DIAPH3: variants seen among roughly 807,000 people sequenced by gnomAD.
DIAPH3 encodes the protein diaphanous related formin 3, also known as protein diaphanous homolog 3.
Under a neutral mutation model 144.3 loss-of-function variants are expected in DIAPH3, and 117 were observed. The observed-to-expected ratio is 0.81, with a 90% confidence interval of 0.70 to 0.95. The LOEUF is 0.95. Ranked by LOEUF, DIAPH3 falls within the 40% of genes least tolerant of loss-of-function variation. The probability of loss-of-function intolerance (pLI) is 0.00; values close to 1 mark genes in which losing one functional copy is unlikely to be tolerated. For synonymous variants in DIAPH3, 519 were observed against 488.9 expected (o/e 1.06, Z -0.81); for missense variants, 1,421 against 1,412.7 (o/e 1.01, Z -0.09).
chr13:59,737,367 C>T (rs1235986299), intron 27 of DIAPH3, among the ~76,000 whole-genome samples: 8 of 152,046 alleles, frequency 5.3e-5, no homozygotes, highest in Non-Finnish European at 7.4e-5. Context: ...ATTTTAATGC[C>T]TATATTCTTT....
chr13:59,895,735 C>T (rs200020671), intron 20 of DIAPH3, among the ~76,000 whole-genome samples: 23 of 152,204 alleles, frequency 1.5e-4, no homozygotes, highest in Non-Finnish European at 3.2e-4. Context: ...TGCCAGTTTC[C>T]CTGTTAAGCT....
chr13:59,943,850 A>G (rs560760540), intron 17 of DIAPH3, among the ~76,000 whole-genome samples: 1 of 152,246 alleles, frequency 6.6e-6, no homozygotes, highest in East Asian at 1.9e-4. Flanking sequence ...GGCCTCAATT[A>G]TTTGAGGTCT....
chr13:60,024,452 AAAG>A (rs1463704477), intron 5 of DIAPH3, among the ~76,000 whole-genome samples: 1 of 152,192 alleles, frequency 6.6e-6, no homozygotes, highest in Non-Finnish European at 1.5e-5. Flanking sequence ...TGGTTCTTTA[AAAG>A]AAGAAATAGT....
intron 27 of DIAPH3, among the ~76,000 whole-genome samples, chr13:59,730,283 C>G (rs890321374): frequency 6.6e-6 from 1 of 152,108 alleles, no homozygotes; most frequent in African/African-American, 2.4e-5. Flanking sequence ...TATTATGTGC[C>G]TGGTTTCTGG....
chr13:60,037,432 T>C (rs1332414140), intron 5 of DIAPH3, among the ~76,000 whole-genome samples: 2 of 151,998 alleles, frequency 1.3e-5, no homozygotes, highest in African/African-American at 4.8e-5. Context: ...TGAAAAAAGA[T>C]TTTAAAGTAT....
chr13:59,685,110 T>C (rs1046064252), intron 27 of DIAPH3, among the ~76,000 whole-genome samples: 2 of 152,114 alleles, frequency 1.3e-5, no homozygotes, highest in African/African-American at 4.8e-5. Flanking sequence ...AGGTAAGAAA[T>C]AATTTATGGA....
chr13:59,782,936 C>T (rs763232493), intron 25 of DIAPH3, among the ~76,000 whole-genome samples: 32 of 152,040 alleles, frequency 2.1e-4, no homozygotes, highest in Non-Finnish European at 4.0e-4. Context: ...AGGGGTAACG[C>T]TGCGAGGTGA....
chr13:59,823,705 T>G (rs2041206583), intron 24 of DIAPH3, among the ~76,000 whole-genome samples: 1 of 152,184 alleles, frequency 6.6e-6, no homozygotes, highest in Admixed American at 6.6e-5. Flanking sequence ...TTTGATGATC[T>G]AGTTGGTCCA....
chr13:59,984,016 C>T (rs373547024), intron 12 of DIAPH3, 129 bp from the exon 13 acceptor site: 1 of 665,166 alleles, frequency 1.5e-6, no homozygotes, highest in South Asian at 1.8e-5. Context: ...ATAGTTGACA[C>T]AACAGATTTT....
intron 27 of DIAPH3, among the ~76,000 whole-genome samples, chr13:59,768,411 A>G (rs545450339): frequency 6.6e-6 from 1 of 152,322 alleles, no homozygotes; most frequent in South Asian, 2.1e-4. Flanking sequence ...AACATTTACT[A>G]CTTCAATAGA....
chr13:59,965,892 G>T (rs1186157091), intron 17 of DIAPH3, among the ~76,000 whole-genome samples: 1 of 152,094 alleles, frequency 6.6e-6, no homozygotes, highest in African/African-American at 2.4e-5. Flanking sequence ...AATAGTTATT[G>T]AGTGGAACAG....
At chr13:59,735,354 T>C (rs950302186) in intron 27 of DIAPH3, among the ~76,000 whole-genome samples, 3 of 152,220 alleles carry the variant, frequency 2.0e-5, no homozygotes, top group African/African-American at 7.2e-5. Context: ...CTGATCTAAT[T>C]TGCAGAATTT....
chr13:60,083,092 G>A (rs1032089270), intron 4 of DIAPH3, among the ~76,000 whole-genome samples: 8 of 151,834 alleles, frequency 5.3e-5, no homozygotes, highest in African/African-American at 9.7e-5. Flanking sequence ...CAGGTCTAGC[G>A]GGCTAAATAT....
intron 21 of DIAPH3, among the ~76,000 whole-genome samples, chr13:59,874,241 G>A (rs142111410): frequency 2.0e-5 from 3 of 152,210 alleles, no homozygotes; most frequent in Non-Finnish European, 2.9e-5. Context: ...TGGGGACTGC[G>A]GCATCAGTAT....
chr13:60,082,418 AG>A (rs2057591362), intron 4 of DIAPH3, among the ~76,000 whole-genome samples: 1 of 151,876 alleles, frequency 6.6e-6, no homozygotes, highest in Non-Finnish European at 1.5e-5. Flanking sequence ...TAAGAAAAAA[AG>A]AAAAAGAGCA....
At chr13:59,958,998 C>A (rs2049581933) in intron 17 of DIAPH3, among the ~76,000 whole-genome samples, 1 of 151,560 alleles carries the variant, frequency 6.6e-6, no homozygotes, top group African/African-American at 2.4e-5. Context: ...GCCTCAGCCT[C>A]CCAAATACTT....
At chr13:59,668,036 G>T (rs1031458835) in intron 27 of DIAPH3, among the ~76,000 whole-genome samples, 1 of 152,196 alleles carries the variant, frequency 6.6e-6, no homozygotes, top group Non-Finnish European at 1.5e-5. Flanking sequence ...ACAAATTTTA[G>T]AAGTATGATC....
intron 20 of DIAPH3, among the ~76,000 whole-genome samples, chr13:59,885,356 A>C (rs1256226287): frequency 6.8e-6 from 1 of 146,424 alleles, no homozygotes; most frequent in Non-Finnish European, 1.5e-5. Context: ...CAGTGTTTTG[A>C]TTTCAATCAC....
chr13:59,973,010 G>A (rs185730434), intron 15 of DIAPH3, among the ~76,000 whole-genome samples: 2 of 152,292 alleles, frequency 1.3e-5, no homozygotes, highest in Admixed American at 6.5e-5. Flanking sequence ...GAATTTGCCA[G>A]TTGTTCAAAC....
Sources: gnomAD v4.1 joint callset for allele counts (sites outside exome capture counted in the v4.1 genomes callset) on GRCh38, gnomAD v4.1.1 for gene constraint, MANE v1.5 for transcripts, NCBI Gene and HGNC (gene_info 2026-07-23, HGNC 2026-07-21) for gene names.